The following RGS12 variants were observed in gnomAD, a reference collection of about 807,000 sequenced individuals.
RGS12 encodes regulator of G protein signaling 12.
A neutral mutation model predicts 120.1 loss-of-function variants in RGS12; 66 were observed. That is an observed-to-expected ratio of 0.55 (90% CI 0.45 to 0.67). The LOEUF (loss-of-function observed/expected upper bound fraction) is 0.67. Ranked by LOEUF, RGS12 falls within the 30% of genes least tolerant of loss-of-function variation. The probability of loss-of-function intolerance (pLI) is 0.00; values close to 1 mark genes in which losing one functional copy is unlikely to be tolerated. For missense variants in RGS12, 1,859 were observed against 1,957.7 expected, an observed-to-expected ratio of 0.95 and a Z score of 0.95; for synonymous variants, 827 against 804.7, an observed-to-expected ratio of 1.03 and a Z score of -0.47.
chr4:3,345,058 T>G (rs1394712149), intron 3 of RGS12, among the ~76,000 whole-genome samples: 1 of 152,230 alleles, frequency 6.6e-6, no homozygotes, highest in Non-Finnish European at 1.5e-5. Context: ...CATGCTGTAG[T>G]AAACTATGAA....
At chr4:3,310,469 A>G (rs1724321249) in intron 1 of RGS12, among the ~76,000 whole-genome samples, 2 of 152,192 alleles carry the variant, frequency 1.3e-5, no homozygotes, top group South Asian at 2.1e-4. Context: ...GTGATTCCAG[A>G]ATCTGCCAGC....
chr4:3,330,890 A>G (rs1711763050), intron 2 of RGS12, among the ~76,000 whole-genome samples: 1 of 152,166 alleles, frequency 6.6e-6, no homozygotes, highest in Non-Finnish European at 1.5e-5. Flanking sequence ...TTCCTTCAGC[A>G]GGAAGAGGGA....
At chr4:3,363,039 G>A (rs1438663685) in intron 3 of RGS12, among the ~76,000 whole-genome samples, 1 of 150,760 alleles carries the variant, frequency 6.6e-6, no homozygotes, top group African/African-American at 2.4e-5. Flanking sequence ...CATTTGGAAC[G>A]CGAGGGTGTA....
At chr4:3,404,145 T>C (rs1354570384) in intron 4 of RGS12, among the ~76,000 whole-genome samples, 2 of 152,018 alleles carry the variant, frequency 1.3e-5, no homozygotes, top group Non-Finnish European at 2.9e-5. Context: ...CATTTAGATA[T>C]ATGGTGTAAG....
intron 4 of RGS12, 34 bp from the exon 5 acceptor site, chr4:3,414,038 A>G (rs953179767): frequency 1.1e-5 from 16 of 1,507,100 alleles, no homozygotes; most frequent in African/African-American, 1.4e-5. Context: ...GGCGGAGGGC[A>G]GGGGTGCAGG....
chr4:3,416,841 A>G, intron 7 of RGS12, 72 bp from the exon 8 acceptor site: 1 of 1,451,542 alleles, frequency 6.9e-7, no homozygotes, highest in Non-Finnish European at 9.4e-7. Flanking sequence ...ACAGGTCGCC[A>G]AGCAGCCTCG....
At chr4:3,291,474 C>A (rs1314336022), upstream of RGS12, among the ~76,000 whole-genome samples, 2 of 152,016 alleles carry the variant, frequency 1.3e-5, no homozygotes, top group Non-Finnish European at 2.9e-5. Context: ...TGCCTCCCAA[C>A]TAGCTTCGAC....
intron 5 of RGS12, chr4:3,414,450 G>A (rs990428839): frequency 2.4e-5 from 15 of 619,678 alleles, no homozygotes; most frequent in South Asian, 6.4e-5. Context: ...CCCAGGGAGC[G>A]TCCCTGGCCC....
chr4:3,412,618 C>CA (rs1276542197), intron 4 of RGS12, among the ~76,000 whole-genome samples: 4 of 152,224 alleles, frequency 2.6e-5, no homozygotes, highest in African/African-American at 9.7e-5. Context: ...GGTGAAGGGG[C>CA]AGGAGGGGAA....
chr4:3,309,436 A>G (rs1218064428), intron 1 of RGS12, among the ~76,000 whole-genome samples: 2 of 131,334 alleles, frequency 1.5e-5, no homozygotes, highest in Non-Finnish European at 3.2e-5. Flanking sequence ...CGTGCAGGGG[A>G]GGAGCTGGGA....
At chr4:3,431,339 A>G in intron 17 of RGS12, 5 of 1,066,992 alleles carry the variant, frequency 4.7e-6, no homozygotes, top group Non-Finnish European at 5.7e-6. Flanking sequence ...CTGTCTCAAG[A>G]CTGGAAAACA....
chr4:3,353,645 C>T lies in RGS12; in HGVS notation c.1998+10592C>T, dbSNP rs947722615. ...GCCACGGGCTTCTCCTTGACTTTTC[C>T]AGCTTAGTAGCTCTTACCTAGTGAG... On this transcript the variant is annotated intron_variant, in intron 3 of 17. Transcript: ENST00000336727. 5.9e-5 allele frequency among the ~76,000 whole-genome samples: 9 copies of T among 152,240 alleles called. No individual in the cohort carries two copies. In the East Asian group the frequency reaches 1.5e-3, roughly 26 times the overall value.
intron 4 of RGS12, among the ~76,000 whole-genome samples, chr4:3,399,338 A>G (rs1268899659): frequency 6.6e-6 from 1 of 152,178 alleles, no homozygotes; most frequent in African/African-American, 2.4e-5. Context: ...TAATCAAGAA[A>G]AAGAGGGAGG....
chr4:3,439,105 C>T lies in RGS12; in HGVS notation c.4115-350C>T, dbSNP rs555879546. 1.5e-4 allele frequency among the ~76,000 whole-genome samples: 22 copies of T among 151,532 alleles called. No homozygotes were observed. The South Asian group carries it at 3.6e-3, about 24-fold the overall frequency. On this transcript the variant is annotated intron_variant, in intron 17 of 17. Coordinates refer to ENST00000336727, the MANE Select transcript of RGS12 (RefSeq NM_001394154.1). The stretch of plus-strand genomic sequence containing the variant: ...CTGGGCCTGGGGGGGCCCCTGAGGA[C>T]GCCCCCAGGAGGAATTAGGGGGGCA...
chr4:3,402,760 C>T (rs1378831830), intron 4 of RGS12, among the ~76,000 whole-genome samples: 1 of 152,172 alleles, frequency 6.6e-6, no homozygotes, highest in East Asian at 1.9e-4. Context: ...AATGTCTTTA[C>T]AAAGTATAAA....
chr4:3,369,934 AAAAAAC>A, intron 3 of RGS12: 1 of 979,336 alleles, frequency 1.0e-6, no homozygotes, highest in South Asian at 4.1e-5. Context: ...ACGATGCTAA[AAAAAAC>A]AAATTCTCTG....
intron 2 of RGS12, among the ~76,000 whole-genome samples, chr4:3,336,480 C>T (rs1422859396): frequency 6.6e-6 from 1 of 152,320 alleles, no homozygotes; most frequent in East Asian, 1.9e-4. Flanking sequence ...GAAATACCTT[C>T]GGATGATCTG....
At chr4:3,427,144 G>A (rs113546466) in intron 14 of RGS12, among the ~76,000 whole-genome samples, 2 of 152,158 alleles carry the variant, frequency 1.3e-5, no homozygotes, top group South Asian at 2.1e-4. Context: ...AAAGCCTTAC[G>A]CTGGGCCCTG....
chr4:3,361,263 A>G (rs539599520), intron 3 of RGS12, among the ~76,000 whole-genome samples: 1 of 152,314 alleles, frequency 6.6e-6, no homozygotes, highest in South Asian at 2.1e-4. Flanking sequence ...ACCATAAAGA[A>G]GAGCTGGAAC....
Sources: gnomAD v4.1 joint callset for allele counts (sites outside exome capture counted in the v4.1 genomes callset) on GRCh38, gnomAD v4.1.1 for gene constraint, MANE v1.5 for transcripts, NCBI Gene and HGNC (gene_info 2026-07-23, HGNC 2026-07-21) for gene names.